Variants in PRSS23 observed in about 807,000 individuals in gnomAD.
PRSS23 encodes serine protease 23, also known as protease, serine 23.
A neutral mutation model predicts 34.7 loss-of-function variants in PRSS23; 25 were observed. The observed-to-expected ratio is 0.72, with a 90% CI of 0.53 to 1.01. The LOEUF is 1.01. Among genes scored for constraint, PRSS23 ranks in the 50% least tolerant of loss-of-function variants. The pLI is 0.00. For synonymous variants in PRSS23, 176 were observed against 186.6 expected, an observed-to-expected ratio of 0.94 and a Z score of 0.46; for missense variants, 445 against 475.6, an observed-to-expected ratio of 0.94 and a Z score of 0.60.
At chr11:86,800,725 G>T in intron 1 of PRSS23, 74 bp downstream of exon 1, 2 of 858,892 alleles carry the variant, frequency 2.3e-6, no homozygotes, top group Non-Finnish European at 2.8e-6. Context: ...CGGGACAAAG[G>T]GCCGGGTATG....
At chr11:86,834,041 T>A (rs1948382761) in intron 2 of PRSS23, among the ~76,000 whole-genome samples, 1 of 152,228 alleles carries the variant, frequency 6.6e-6, no homozygotes, top group Non-Finnish European at 1.5e-5. Flanking sequence ...AGAACATTTG[T>A]AGTTTTACAG....
chr11:86,886,652 C>T (rs1948804366), intron 2 of PRSS23, among the ~76,000 whole-genome samples: 1 of 152,188 alleles, frequency 6.6e-6, no homozygotes, highest in Non-Finnish European at 1.5e-5. Context: ...ATAAAGTGGA[C>T]TTGCAGCCAG....
At chr11:86,800,677 T>A (rs1282684594) in intron 1 of PRSS23, 26 bp downstream of exon 1, 8 of 980,572 alleles carry the variant, frequency 8.2e-6, no homozygotes, top group Non-Finnish European at 8.5e-6. Flanking sequence ...GACTGGGGCA[T>A]CCGCCCGGGC....
At chr11:86,902,430 CT>C (rs1948917643) in intron 2 of PRSS23, among the ~76,000 whole-genome samples, 1 of 152,134 alleles carries the variant, frequency 6.6e-6, no homozygotes, top group Non-Finnish European at 1.5e-5. Context: ...TTTGGATGAC[CT>C]AGATAAGGGT....
intron 2 of PRSS23, among the ~76,000 whole-genome samples, chr11:86,915,960 G>A (rs193224008): frequency 6.6e-6 from 1 of 152,152 alleles, no homozygotes; most frequent in East Asian, 1.9e-4. Flanking sequence ...GAAGCTGAGG[G>A]ACAAGAATTG....
At chr11:86,827,748 TG>T (rs1476769993) in intron 2 of PRSS23, among the ~76,000 whole-genome samples, 2 of 152,378 alleles carry the variant, frequency 1.3e-5, no homozygotes, top group Middle Eastern at 3.4e-3. Context: ...CATTTCGTTA[TG>T]TACCCAGTAG....
intron 2 of PRSS23, among the ~76,000 whole-genome samples, chr11:86,906,124 C>T (rs113176030): frequency 5.9e-5 from 9 of 152,296 alleles, no homozygotes; most frequent in African/African-American, 2.2e-4. Flanking sequence ...CGCACTATTG[C>T]CTTGCAGGAA....
chr11:86,950,119 C>T (rs995566875), intron 2 of PRSS23: 2 of 152,672 alleles, frequency 1.3e-5, no homozygotes, highest in South Asian at 2.1e-4. Flanking sequence ...AATTGACACA[C>T]AAAAATTACA....
At chr11:86,861,537 G>A (rs542575184) in intron 2 of PRSS23, among the ~76,000 whole-genome samples, 33 of 152,026 alleles carry the variant, frequency 2.2e-4, no homozygotes, top group African/African-American at 7.7e-4. Context: ...ATAATATCCA[G>A]TTGGAGAGGG....
Position 86,800,564 on chromosome 11 carries a change from A to T in PRSS23, c.-101A>T, listed in dbSNP as rs1002311311. On this transcript the variant is annotated 5_prime_UTR_variant, in exon 1 of 2. Coordinates refer to ENST00000280258, the MANE Select transcript of PRSS23 (RefSeq NM_007173.6). ...CTCGCACTCGGCTGTGCGGCGGGGCAGGCATGGGAGCCGCGCGCTCTCTCC... is the reference window on the plus strand; with the variant it reads ...CTCGCACTCGGCTGTGCGGCGGGGCTGGCATGGGAGCCGCGCGCTCTCTCC... 1.0e-6 allele frequency: 1 copy of T among 984,554 alleles called. No homozygotes were observed. The highest frequency in any genetic ancestry group is 4.7e-5 in the South Asian group (1 of 21,276). 61.0% of individuals were successfully genotyped at this position (984,554 alleles called of 1,614,324 possible).
chr11:86,907,210 A>G (rs1050155402), intron 2 of PRSS23, among the ~76,000 whole-genome samples: 6 of 152,154 alleles, frequency 3.9e-5, no homozygotes, highest in African/African-American at 1.2e-4. Flanking sequence ...ACTTTTTGTT[A>G]TATAGATTGA....
downstream of PRSS23, among the ~76,000 whole-genome samples, chr11:86,812,787 CA>C (rs35855610): frequency 9.7e-3 from 810 of 83,864 alleles, 7 homozygotes; most frequent in African/African-American, 0.027. Flanking sequence ...GACTCTGTCT[CA>C]AAAAAAAAAA....
At chr11:86,831,547 C>G (rs566091232) in intron 2 of PRSS23, among the ~76,000 whole-genome samples, 34 of 149,490 alleles carry the variant, frequency 2.3e-4, no homozygotes, top group Non-Finnish European at 4.0e-4. Context: ...AAATGTTACT[C>G]TTAATATCAC....
intron 2 of PRSS23, among the ~76,000 whole-genome samples, chr11:86,940,071 A>G (rs1949196837): frequency 6.6e-6 from 1 of 151,938 alleles, no homozygotes; most frequent in Non-Finnish European, 1.5e-5. Flanking sequence ...GTGTTAGAAA[A>G]CTCTGAGTCC....
chr11:86,942,541 G>T (rs1201040905), intron 2 of PRSS23, among the ~76,000 whole-genome samples: 1 of 152,210 alleles, frequency 6.6e-6, no homozygotes, highest in Non-Finnish European at 1.5e-5. Context: ...GTTCTTGAGT[G>T]AAAATAGAAT....
intron 2 of PRSS23, among the ~76,000 whole-genome samples, chr11:86,830,333 A>C (rs1948343269): frequency 6.6e-6 from 1 of 152,150 alleles, no homozygotes; most frequent in African/African-American, 2.4e-5. Flanking sequence ...TCGTTTTTTA[A>C]GCCTGTCGGA....
intron 2 of PRSS23, among the ~76,000 whole-genome samples, chr11:86,859,301 A>T (rs1477987895): frequency 6.6e-6 from 1 of 151,954 alleles, no homozygotes; most frequent in Non-Finnish European, 1.5e-5. Context: ...ATTACTTTCA[A>T]TACCGCAGAG....
intron 1 of PRSS23, among the ~76,000 whole-genome samples, chr11:86,803,397 G>A (rs887081633): frequency 6.6e-6 from 1 of 152,192 alleles, no homozygotes; most frequent in Non-Finnish European, 1.5e-5. Context: ...TTATACCTTA[G>A]ATGAGTGTTT....
At chr11:86,937,527 A>G (rs1314883585) in intron 2 of PRSS23, 2 of 152,178 alleles carry the variant, frequency 1.3e-5, no homozygotes, top group Non-Finnish European at 2.9e-5. Context: ...TGCTGATAAA[A>G]TAGGTTGCAG....
Sources: gnomAD v4.1 joint callset for allele counts (sites outside exome capture counted in the v4.1 genomes callset) on GRCh38, gnomAD v4.1.1 for gene constraint, MANE v1.5 for transcripts, NCBI Gene and HGNC (gene_info 2026-07-23, HGNC 2026-07-21) for gene names.